Variants in EDIL3 observed in about 807,000 individuals in gnomAD.
EDIL3 encodes EGF-like repeat and discoidin I-like domain-containing protein 3.
EDIL3 carries 37 observed loss-of-function variants against 67.4 expected under a neutral mutation model. That is an observed-to-expected ratio of 0.55 (90% CI 0.42 to 0.72). EDIL3 has a LOEUF of 0.72. Ranked by LOEUF, EDIL3 falls within the 30% of genes least tolerant of loss-of-function variation. The pLI is 0.00. For missense variants in EDIL3, 527 were observed against 586.3 expected (o/e 0.90, Z 1.04); for synonymous variants, 195 against 196.3 (o/e 0.99, Z 0.05).
intron 1 of EDIL3, among the ~76,000 whole-genome samples, chr5:84,311,312 C>CTTTTTTTTTTTTTTTTTTT (rs900034474): frequency 1.1e-5 from 1 of 93,904 alleles, no homozygotes; most frequent in Non-Finnish European, 2.5e-5. Flanking sequence ...AATGTATTTT[C>CTTTTTTTTTTTTTTTTTTT]TTTTTTTTTT....
chr5:84,069,589 AT>A (rs1333511665), intron 6 of EDIL3, among the ~76,000 whole-genome samples: 1 of 152,118 alleles, frequency 6.6e-6, no homozygotes, highest in African/African-American at 2.4e-5. Flanking sequence ...GCAAAAAAGC[AT>A]TTTCTTTACA....
At chr5:84,375,424 AT>A (rs566977260) in intron 1 of EDIL3, among the ~76,000 whole-genome samples, 65 of 152,268 alleles carry the variant, frequency 4.3e-4, no homozygotes, top group African/African-American at 6.0e-4. Context: ...AGAAAAAAAA[AT>A]ATTCTAATTG....
intron 9 of EDIL3, among the ~76,000 whole-genome samples, chr5:84,055,444 C>T (rs1746425114): frequency 7.3e-6 from 1 of 136,306 alleles, no homozygotes; most frequent in Non-Finnish European, 1.5e-5. Context: ...CAATAAAAGC[C>T]AAAATTGACA....
chr5:84,258,118 T>C lies in EDIL3; in HGVS notation c.68-3906A>G, dbSNP rs548562128. The stretch of plus-strand genomic sequence containing the variant: ...ACAACAAACATAATTAGGGTTATTA[T>C]AGATTTTGTTTAAAATCTGTTTCTC... On this transcript the variant is annotated intron_variant, in intron 1 of 10. Transcript: ENST00000296591. Among the ~76,000 whole-genome samples, 5 of 152,348 alleles carry C rather than the reference T, an allele frequency of 3.3e-5. No individual in the cohort carries two copies. The East Asian group carries it at 5.8e-4, about 18-fold the overall frequency.
intron 9 of EDIL3, among the ~76,000 whole-genome samples, chr5:84,013,931 A>T (rs2112183473): frequency 6.6e-6 from 1 of 152,290 alleles, no homozygotes; most frequent in African/African-American, 2.4e-5. Context: ...TTGTAGATAA[A>T]TTGAAAGCTA....
At chr5:84,024,537 C>T (rs1745778057) in intron 9 of EDIL3, among the ~76,000 whole-genome samples, 1 of 152,064 alleles carries the variant, frequency 6.6e-6, no homozygotes, top group South Asian at 2.1e-4. Flanking sequence ...TCATTGACCC[C>T]ACAGTAAGGG....
Position 84,254,134 on chromosome 5 carries a change from T to G in EDIL3, c.146A>C (p.Glu49Ala), listed in dbSNP as rs1358209692. Residue 49 changes from glutamate to alanine, a missense_variant, in exon 2 of 11, where the codon GAG becomes GCG. By Grantham distance (107) the Glu-to-Ala change is moderately radical (BLOSUM62 -1). Transcript: ENST00000296591. ...GGGGTCTGTGAAGCCATCTGGACAC[T>G]CACAGGAAAAGGAACCATCAGCCAA... Reference protein sequence around the residue: ...PGLADGSFSCECPDGFTDPNC... With the variant: ...PGLADGSFSCACPDGFTDPNC... The G allele has an allele frequency of 6.2e-7, 1 of 1,612,978 alleles. No individual in the cohort carries two copies. Among genetic ancestry groups the G allele is most frequent in the African/African-American group, 1.3e-5 (1 of 74,830 alleles).
intron 1 of EDIL3, among the ~76,000 whole-genome samples, chr5:84,267,598 G>A (rs1180762970): frequency 6.6e-6 from 1 of 152,142 alleles, no homozygotes; most frequent in East Asian, 1.9e-4. Flanking sequence ...AATGGCCACA[G>A]CATATGAATC....
At chr5:84,116,442 T>C (rs1295995780) in intron 5 of EDIL3, among the ~76,000 whole-genome samples, 1 of 152,170 alleles carries the variant, frequency 6.6e-6, no homozygotes, top group Non-Finnish European at 1.5e-5. Flanking sequence ...AGGTAATACC[T>C]GCATAATCAG....
chr5:84,204,147 A>T (rs1418416394), intron 3 of EDIL3, among the ~76,000 whole-genome samples: 1 of 152,346 alleles, frequency 6.6e-6, no homozygotes, highest in East Asian at 1.9e-4. Flanking sequence ...GAATAAACTT[A>T]ACCAACATAA....
intron 2 of EDIL3, among the ~76,000 whole-genome samples, chr5:84,247,786 T>C (rs1348729313): frequency 1.3e-5 from 2 of 151,982 alleles, no homozygotes; most frequent in African/African-American, 4.8e-5. Flanking sequence ...GCTATACATA[T>C]ATATATTTGG....
intron 9 of EDIL3, among the ~76,000 whole-genome samples, chr5:83,993,995 T>C (rs1171828405): frequency 2.6e-5 from 4 of 152,234 alleles, no homozygotes; most frequent in African/African-American, 9.6e-5. Flanking sequence ...TTGGCCACTG[T>C]GGTCCCTAAT....
intron 6 of EDIL3, among the ~76,000 whole-genome samples, chr5:84,103,521 A>G (rs1192900061): frequency 1.3e-5 from 2 of 151,752 alleles, no homozygotes; most frequent in Non-Finnish European, 2.9e-5. Flanking sequence ...ATTTTCAAGA[A>G]AAAAAACAAA....
chr5:84,148,645 A>G (rs1748329466), intron 4 of EDIL3, among the ~76,000 whole-genome samples: 1 of 152,064 alleles, frequency 6.6e-6, no homozygotes, highest in Admixed American at 6.6e-5. Context: ...CCCTCATTCC[A>G]GAATCTCATC....
At chr5:84,374,195 T>A (rs974307872) in intron 1 of EDIL3, among the ~76,000 whole-genome samples, 7 of 151,254 alleles carry the variant, frequency 4.6e-5, no homozygotes, top group Non-Finnish European at 8.8e-5. Context: ...TTTTATCTCT[T>A]GAGTCCAAGA....
intron 3 of EDIL3, among the ~76,000 whole-genome samples, chr5:84,182,752 C>G (rs1406134273): frequency 6.6e-6 from 1 of 151,896 alleles, no homozygotes; most frequent in Non-Finnish European, 1.5e-5. Flanking sequence ...GTTCCCGGAC[C>G]TTGACTTCCC....
At chr5:84,334,343 C>T (rs950591626) in intron 1 of EDIL3, among the ~76,000 whole-genome samples, 3 of 152,078 alleles carry the variant, frequency 2.0e-5, no homozygotes, top group Non-Finnish European at 2.9e-5. Context: ...GGATTACAGG[C>T]ATGAGCCACC....
At chr5:83,946,440 A>T (rs774562989) in intron 10 of EDIL3, among the ~76,000 whole-genome samples, 6 of 151,896 alleles carry the variant, frequency 4.0e-5, no homozygotes, top group Non-Finnish European at 7.4e-5. Context: ...AACCTAAGAG[A>T]AGATAAGAGA....
At chr5:84,162,999 T>C (rs1321097953) in intron 4 of EDIL3, among the ~76,000 whole-genome samples, 1 of 152,182 alleles carries the variant, frequency 6.6e-6, no homozygotes, top group Non-Finnish European at 1.5e-5. Flanking sequence ...AATAACATAC[T>C]TAATATCAAT....
Sources: gnomAD v4.1 joint callset for allele counts (sites outside exome capture counted in the v4.1 genomes callset) on GRCh38, gnomAD v4.1.1 for gene constraint, MANE v1.5 for transcripts, NCBI Gene and HGNC (gene_info 2026-07-23, HGNC 2026-07-21) for gene names.